Variants in FBXO42 observed in about 807,000 individuals in gnomAD.
FBXO42 encodes the protein F-box protein 42.
In FBXO42, 12 loss-of-function variants were observed where a neutral mutation model predicts 71.7. The ratio of observed to expected loss-of-function variants is 0.17; its 90% confidence interval spans 0.11 to 0.27. The LOEUF is 0.27. Ranked by LOEUF, FBXO42 falls within the 10% of genes least tolerant of loss-of-function variation. FBXO42 has a pLI of 1.00. For missense variants in FBXO42, 707 were observed against 911.9 expected (o/e 0.78, Z 2.89); for synonymous variants, 325 against 327.5 (o/e 0.99, Z 0.08).
At chr1:16,305,682 C>A in intron 3 of FBXO42, 121 bp downstream of exon 3, 1 of 820,350 alleles carries the variant, frequency 1.2e-6, no homozygotes, top group Non-Finnish European at 2.1e-6. Flanking sequence ...CCACTGCACT[C>A]CAGCTTGGGT....
Position 16,250,932 on chromosome 1 carries a change from A to G in FBXO42, c.1892T>C (p.Val631Ala). ...LGHHPPQSLN[V>A]GKPLYQSMNC... The stretch of plus-strand genomic sequence containing the variant: ...CATACTCTGGTATAGGGGTTTGCCA[A>G]CATTTAGGGACTGTGGAGGGTGGTG... Residue 631 changes from valine (V) to alanine (A), a missense_variant, in exon 10 of 10, where the codon GTT becomes GCT. By Grantham distance (64) the Val-to-Ala change is moderately conservative. Around this residue, in one of 5 missense-constraint regions of FBXO42, gnomAD observed 482 missense variants for 587.1 expected, o/e 0.82. Coordinates refer to ENST00000375592, the MANE Select transcript of FBXO42 (RefSeq NM_018994.3). The surrounding 1 kb of genome is among the most constrained non-coding windows in gnomAD (Gnocchi z 4.7). 1 of 1,614,182 alleles carries G rather than the reference A, an allele frequency of 6.2e-7. No individual in the cohort carries two copies. The highest frequency in any genetic ancestry group is 8.5e-7 in the Non-Finnish European group (1 of 1,180,044).
intron 1 of FBXO42, among the ~76,000 whole-genome samples, chr1:16,316,803 C>T (rs2082371444): frequency 7.2e-6 from 1 of 138,144 alleles, no homozygotes; most frequent in Non-Finnish European, 1.6e-5. Flanking sequence ...ATACCAAATA[C>T]AAGGCAGTAT....
In FBXO42 at chr1:16,251,662, C is replaced by CT; in HGVS notation, c.1161dup (p.Glu388ArgfsTer13). 6.2e-7 allele frequency: 1 copy of CT among 1,614,158 alleles called. No homozygotes were observed. Among genetic ancestry groups the CT allele is most frequent in the Non-Finnish European group, 8.5e-7 (1 of 1,180,028 alleles). ...CTTACTGGAGACTGAGAGCGGTACT[C>CT]TCGGGTTTCAGGAACGAGAGCTGGA... On this transcript the variant is annotated frameshift_variant, in exon 10 of 10. Coordinates refer to ENST00000375592, the MANE Select transcript of FBXO42 (RefSeq NM_018994.3). LOFTEE classifies it high-confidence loss of function. The surrounding 1 kb of genome is among the most constrained non-coding windows in gnomAD (Gnocchi z 4.5).
intron 1 of FBXO42, among the ~76,000 whole-genome samples, chr1:16,351,825 G>A (rs2082705157): frequency 6.6e-6 from 1 of 152,178 alleles, no homozygotes; most frequent in Admixed American, 6.5e-5. Flanking sequence ...TCCCTTTGCA[G>A]CTGCAGGTTC....
intron 1 of FBXO42, among the ~76,000 whole-genome samples, chr1:16,341,614 A>T (rs1347480825): frequency 9.3e-4 from 77 of 82,678 alleles, no homozygotes; most frequent in African/African-American, 2.6e-3. Flanking sequence ...TCTTTTAAAA[A>T]AAAAAAAAAA....
At chr1:16,341,784 A>T (rs961560669) in intron 1 of FBXO42, among the ~76,000 whole-genome samples, 4 of 150,990 alleles carry the variant, frequency 2.6e-5, no homozygotes, top group Non-Finnish European at 4.4e-5. Context: ...CAACCTGACC[A>T]ACATGGAGAA....
At chr1:16,301,098 G>A (rs902942259) in intron 3 of FBXO42, among the ~76,000 whole-genome samples, 3 of 151,616 alleles carry the variant, frequency 2.0e-5, no homozygotes, top group Non-Finnish European at 4.4e-5. Context: ...AGGGTTTCAC[G>A]ATGTTGGCCA....
chr1:16,266,284 C>T (rs2081772177), intron 4 of FBXO42, among the ~76,000 whole-genome samples: 1 of 148,628 alleles, frequency 6.7e-6, no homozygotes, highest in Non-Finnish European at 1.5e-5. Context: ...GGAAGTAATG[C>T]TAATTCAAAG....
chr1:16,284,527 A>G (rs1335596017), intron 4 of FBXO42, among the ~76,000 whole-genome samples: 1 of 152,064 alleles, frequency 6.6e-6, no homozygotes, highest in Non-Finnish European at 1.5e-5. Flanking sequence ...GTATGCTATA[A>G]AATCTGTCAT....
chr1:16,340,013 T>C (rs921669003), intron 1 of FBXO42, among the ~76,000 whole-genome samples: 1 of 151,912 alleles, frequency 6.6e-6, no homozygotes, highest in African/African-American at 2.4e-5. Flanking sequence ...CTGTCTCTAC[T>C]AAAAATACAA....
chr1:16,284,308 C>A (rs1268357403), intron 4 of FBXO42, among the ~76,000 whole-genome samples: 2 of 152,188 alleles, frequency 1.3e-5, no homozygotes, highest in Non-Finnish European at 2.9e-5. Context: ...TAGAGAACTT[C>A]CACCAGGATC....
intron 3 of FBXO42, among the ~76,000 whole-genome samples, chr1:16,297,963 T>C (rs570687678): frequency 6.6e-6 from 1 of 150,662 alleles, no homozygotes; most frequent in Non-Finnish European, 1.5e-5. Flanking sequence ...CAGTGGCTCA[T>C]GCCTGTAATC....
At chr1:16,340,896 G>C (rs894380991) in intron 1 of FBXO42, among the ~76,000 whole-genome samples, 11 of 152,126 alleles carry the variant, frequency 7.2e-5, no homozygotes, top group Admixed American at 7.2e-4. Context: ...AGCAAAAATA[G>C]AAACTGTATC....
chr1:16,341,572 C>T lies in FBXO42; in HGVS notation c.-18+10683G>A, dbSNP rs577564571. Among the ~76,000 whole-genome samples the T allele has an allele frequency of 4.5e-4, 65 of 144,820 alleles. 1 individual carries two copies. In the South Asian group the frequency reaches 0.014, roughly 31 times the overall value. ...GCAGTGAGCCAAGATTGCACCCCTG[C>T]ACTCCAGCCTGGGCAACCAAGTGAG... On this transcript the variant is annotated intron_variant, in intron 1 of 9. Coordinates refer to ENST00000375592, the MANE Select transcript of FBXO42 (RefSeq NM_018994.3).
chr1:16,319,872 C>T lies in FBXO42; in HGVS notation c.-17-4437G>A, dbSNP rs148966283. Among the ~76,000 whole-genome samples, 927 of 151,584 alleles carry T rather than the reference C, an allele frequency of 6.1e-3. 13 individuals are homozygous for T. The highest frequency in any genetic ancestry group is 0.02 in the African/African-American group (824 of 41,344). On this transcript the variant is annotated intron_variant, in intron 1 of 9. Coordinates refer to ENST00000375592, the MANE Select transcript of FBXO42 (RefSeq NM_018994.3). ...GTTGCAGTGAGCCGAGATTGCGCCA[C>T]TGCCCTCTAGCCTGGGCAACAGAGT...
At chr1:16,261,502 C>T (rs541597710) in intron 4 of FBXO42, among the ~76,000 whole-genome samples, 1 of 152,270 alleles carries the variant, frequency 6.6e-6, no homozygotes, top group African/African-American at 2.4e-5. Flanking sequence ...GTAGGAGCAT[C>T]TTAAATAGCT....
At position 16,277,412 on chromosome 1, in the gene FBXO42, T is replaced by A. The variant is rs868053974; in HGVS notation, c.502+17371A>T. Among the ~76,000 whole-genome samples, 49 of 152,170 alleles carry A rather than the reference T, an allele frequency of 3.2e-4. No individual in the cohort carries two copies. The Middle Eastern group carries it at 0.01, about 32-fold the overall frequency. On this transcript the variant is annotated intron_variant, in intron 4 of 9. Transcript: ENST00000375592. ...TTTTTCTCCTCCCTGCCCCCACTACTAATATATTATTTTTAAAAATTCCAT... is the reference window on the plus strand; with the variant it reads ...TTTTTCTCCTCCCTGCCCCCACTACAAATATATTATTTTTAAAAATTCCAT...
intron 1 of FBXO42, among the ~76,000 whole-genome samples, chr1:16,323,072 A>C (rs1426157724): frequency 2.0e-5 from 3 of 152,252 alleles, no homozygotes; most frequent in Non-Finnish European, 4.4e-5. Context: ...CCTAAAAGGA[A>C]GCTGAACATT....
chr1:16,251,749 T>A lies in FBXO42; in HGVS notation c.1075A>T (p.Ser359Cys), dbSNP rs1341114154. 1 of 1,614,008 alleles carries A rather than the reference T, an allele frequency of 6.2e-7. No homozygotes were observed. The highest frequency in any genetic ancestry group is 8.5e-7 in the Non-Finnish European group (1 of 1,180,030). Residue 359 changes from serine (S) to cysteine (C), a missense_variant, in exon 10 of 10, where the codon AGT (serine) becomes TGT (cysteine). Physicochemically the swap from Ser to Cys is moderately radical, Grantham distance 112 (BLOSUM62 -1). Around this residue, in one of 5 missense-constraint regions of FBXO42, gnomAD observed 482 missense variants for 587.1 expected, o/e 0.82. Coordinates refer to ENST00000375592, the MANE Select transcript of FBXO42 (RefSeq NM_018994.3). The surrounding 1 kb of genome is among the most constrained non-coding windows in gnomAD (Gnocchi z 4.5). Reference sequence around the variant, plus strand: ...CTGGGGCTGAGTGGGGCTCTCCCACTAGGAGCCTGGCTGAAGACCACCACA... The same window carrying A: ...CTGGGGCTGAGTGGGGCTCTCCCACAAGGAGCCTGGCTGAAGACCACCACA... ...QCVVVFSQAP[S>C]GRAPLSPSLN...
Sources: allele counts gnomAD v4.1 joint callset (sites outside exome capture counted in the v4.1 genomes callset), GRCh38; gene constraint gnomAD v4.1.1; regional missense constraint gnomAD v4.1.1; non-coding constraint Gnocchi (gnomAD v3.1); transcripts MANE v1.5; gene names NCBI Gene and HGNC (gene_info 2026-07-23, HGNC 2026-07-21).